The following MTO1 variants were observed in gnomAD, a reference collection of about 807,000 sequenced individuals.
MTO1 encodes the protein mitochondrial tRNA translation optimization 1.
Under a neutral mutation model 71.6 loss-of-function variants are expected in MTO1, and 46 were observed. That is an observed-to-expected ratio of 0.64 (90% CI 0.51 to 0.82). The LOEUF (loss-of-function observed/expected upper bound fraction) is 0.82, where lower values mean the gene tolerates loss of function less well. Among genes scored for constraint, MTO1 ranks in the 40% least tolerant of loss-of-function variants. The pLI is 0.00. For synonymous variants in MTO1, 297 were observed against 312.1 expected, an observed-to-expected ratio of 0.95 and a Z score of 0.51; for missense variants, 773 against 867.5, an observed-to-expected ratio of 0.89 and a Z score of 1.37.
Position 73,480,265 on chromosome 6 carries a change from T to TTTTG in MTO1, c.1129+159_1129+162dup, listed in dbSNP as rs747583462. The TTTTG allele has an allele frequency of 1.0e-4, 95 of 924,478 alleles. No individual in the cohort carries two copies. Among genetic ancestry groups the TTTTG allele is most frequent in the South Asian group, 3.5e-4 (25 of 71,328 alleles). 57.3% of individuals were successfully genotyped at this position (924,478 alleles called of 1,614,324 possible). On this transcript the variant is annotated intron_variant, in intron 6 of 11. Transcript: ENST00000498286. ...ACCTATACATTTTAAATAGTCTGTT[T>TTTTG]TTTGTTTGTTTGTTTGTTTGTTTTG...
At chr6:73,477,518 T>G (rs995525988) in intron 4 of MTO1, among the ~76,000 whole-genome samples, 6 of 151,476 alleles carry the variant, frequency 4.0e-5, no homozygotes, top group African/African-American at 7.3e-5. Flanking sequence ...GCTTTTTTTT[T>G]TTTTTTGAGA....
chr6:73,486,665 G>A (rs1408857756), intron 9 of MTO1: 3 of 406,690 alleles, frequency 7.4e-6, no homozygotes, highest in Admixed American at 2.7e-5. Flanking sequence ...TTGAACCTGG[G>A]AAGCGGAGGT....
rs756322189 is a variant in MTO1 at position 73,482,232 on chromosome 6, C to T, written c.1453C>T (p.Leu485Phe). 1 of 1,614,098 alleles carries T rather than the reference C, an allele frequency of 6.2e-7. No individual in the cohort carries two copies. Among genetic ancestry groups the T allele is most frequent in the South Asian group, 1.1e-5 (1 of 91,086 alleles). ...GCGCCCTGATAATGCTGACAGCCGGCTCACACTGCGAGGTAACTCTTTCCT... is the reference window on the plus strand; with the variant it reads ...GCGCCCTGATAATGCTGACAGCCGGTTCACACTGCGAGGTAACTCTTTCCT... Reference protein sequence around the residue: ...SLRPDNADSRLTLRGYKDAGC... With the variant: ...SLRPDNADSRFTLRGYKDAGC... Residue 485 changes from leucine to phenylalanine, a missense_variant, in exon 8 of 12, where the codon CTC (leucine) becomes TTC (phenylalanine). By Grantham distance (22) the Leu-to-Phe change is conservative. Coordinates refer to ENST00000498286, the MANE Select transcript of MTO1 (RefSeq NM_012123.4).
chr6:73,478,073 A>G (rs1379334666), intron 4 of MTO1, among the ~76,000 whole-genome samples: 1 of 151,154 alleles, frequency 6.6e-6, no homozygotes, highest in Non-Finnish European at 1.5e-5. Flanking sequence ...ACATGGTGAA[A>G]CCCCGTCTCT....
At chr6:73,494,127 C>T (rs1198585650) in intron 10 of MTO1, among the ~76,000 whole-genome samples, 9 of 151,666 alleles carry the variant, frequency 5.9e-5, no homozygotes, top group African/African-American at 1.9e-4. Context: ...CCCAGCTACT[C>T]GGGAGGCTGA....
intron 3 of MTO1, among the ~76,000 whole-genome samples, chr6:73,467,960 A>G (rs999610504): frequency 6.6e-6 from 1 of 151,950 alleles, no homozygotes; most frequent in African/African-American, 2.4e-5. Context: ...AGCTGGGACT[A>G]CAGGCACGTA....
rs572574857 is a variant in MTO1, at chr6:73,501,594, A to G, written c.*859A>G. ...ACCCCTCTTCCTCTCCAGTACTTCA[A>G]TGGTATGTCTTCACAGGGGTTAGAG... On this transcript the variant is annotated 3_prime_UTR_variant, in exon 12 of 12. Coordinates refer to ENST00000498286, the MANE Select transcript of MTO1 (RefSeq NM_012123.4). The G allele has an allele frequency of 1.8e-4, 27 of 152,310 alleles. No individual in the cohort carries two copies. Among genetic ancestry groups the G allele is most frequent in the African/African-American group, 5.8e-4 (24 of 41,572 alleles). The allele number at this position is 152,310 out of a possible 1,614,324, so 9.4% of individuals were successfully genotyped here.
At chr6:73,497,640 A>C in intron 10 of MTO1, 96 bp from the exon 11 acceptor site, 1 of 1,303,146 alleles carries the variant, frequency 7.7e-7, no homozygotes, top group Non-Finnish European at 1.1e-6. Context: ...TGATGTACAC[A>C]AAAGCTTTTT....
rs533086338 is a variant in MTO1 at position 73,496,826 on chromosome 6, G to A, written c.1757-910G>A. On this transcript the variant is annotated intron_variant, in intron 10 of 11. Transcript: ENST00000498286. Reference sequence around the variant, plus strand: ...TCCCAGCACTTTGGGAGGCCAAGGTGGGCAGATCATGAGGTCAGGAGTTCG... The same window carrying A: ...TCCCAGCACTTTGGGAGGCCAAGGTAGGCAGATCATGAGGTCAGGAGTTCG... Among the ~76,000 whole-genome samples the A allele has an allele frequency of 7.9e-5, 12 of 151,988 alleles. No individual in the cohort carries two copies. In the East Asian group the frequency reaches 2.3e-3, roughly 29 times the overall value.
rs1306856328 is a variant in MTO1 at position 73,506,424 on chromosome 6, A to C, written c.*5689A>C. 6.6e-6 allele frequency: 1 copy of C among 152,362 alleles called. No homozygotes were observed. Among genetic ancestry groups the C allele is most frequent in the Non-Finnish European group, 1.5e-5 (1 of 68,182 alleles). The allele number at this position is 152,362 out of a possible 1,614,324, so 9.4% of individuals were successfully genotyped here. The stretch of plus-strand genomic sequence containing the variant: ...TGAATCACAAGGGCCGGTTTTTACC[A>C]TGCTTTCTTGTGATAGTGAATAAGT... On this transcript the variant is annotated 3_prime_UTR_variant, in exon 12 of 12. Transcript: ENST00000498286.
Position 73,500,680 on chromosome 6 carries a change from C to T in MTO1, c.2024C>T (p.Ser675Phe). 2.5e-6 allele frequency: 4 copies of T among 1,612,760 alleles called. No individual in the cohort carries two copies. Among genetic ancestry groups the T allele is most frequent in the Non-Finnish European group, 2.5e-6 (3 of 1,179,398 alleles). Residue 675 changes from serine (S) to phenylalanine (F), a missense_variant, in exon 12 of 12, where the codon TCC becomes TTC. Ser to Phe is a radical substitution (Grantham distance 155). Transcript: ENST00000498286. ...QRRQSAMNES[S>F]KTDQYLCDAD... The stretch of plus-strand genomic sequence containing the variant: ...AGACAGTCGGCTATGAATGAATCAT[C>T]CAAGACTGATCAATACTTATGTGAT...
chr6:73,466,491 A>G lies in MTO1; in HGVS notation c.420A>G (p.Lys140=), dbSNP rs750249881. Residue 140 remains lysine (K), a splice_region_variant and synonymous_variant, in exon 3 of 12, where the codon AAA becomes AAG. Transcript: ENST00000498286. ...DRKLYKQNMQ[K]EILNTPLLTV... ...CAACTGGCATTTTCTTTTGACAGAA[A>G]GAAATCTTGAATACACCACTGCTTA... The G allele has an allele frequency of 1.7e-5, 27 of 1,614,118 alleles. No homozygotes were observed. The highest frequency in any genetic ancestry group is 2.2e-5 in the Non-Finnish European group (26 of 1,179,958).
In MTO1 at chr6:73,508,246, A is replaced by G. The variant is rs1334397652; in HGVS notation, c.*7511A>G. 6.6e-6 allele frequency: 1 copy of G among 152,198 alleles called. No homozygotes were observed. The highest frequency in any genetic ancestry group is 1.5e-5 in the Non-Finnish European group (1 of 68,036). 9.4% of individuals were successfully genotyped at this position (152,198 alleles called of 1,614,324 possible). A position where few individuals can be genotyped will look rare whatever the true frequency, so the allele number is the denominator to read the frequency against. Reference sequence around the variant, plus strand: ...AATATTCCTCCTATATCTGAAGACAATAATAATTTCTTAGAATTTGCTAGG... The same window carrying G: ...AATATTCCTCCTATATCTGAAGACAGTAATAATTTCTTAGAATTTGCTAGG... On this transcript the variant is annotated 3_prime_UTR_variant, in exon 12 of 12. Transcript: ENST00000498286.
rs777015080 is a variant in MTO1, at chr6:73,494,813, CCT to C, written c.1756+2462_1756+2463del. Among the ~76,000 whole-genome samples the C allele has an allele frequency of 2.8e-4, 38 of 137,764 alleles. 1 individual carries two copies. The East Asian group carries it at 6.5e-3, about 24-fold the overall frequency. 90.4% of individuals were successfully genotyped at this position (137,764 alleles called of 152,430 possible). On this transcript the variant is annotated intron_variant, in intron 10 of 11. Coordinates refer to ENST00000498286, the MANE Select transcript of MTO1 (RefSeq NM_012123.4). Reference sequence around the variant, plus strand: ...TTGAGACAGAGTCTTACTCTGTCACCCTGTCGCCCAGGCTGGAGTGCAGTGAT... The same window carrying C: ...TTGAGACAGAGTCTTACTCTGTCACCGTCGCCCAGGCTGGAGTGCAGTGAT...
chr6:73,480,947 G>T, intron 7 of MTO1, 142 bp downstream of exon 7: 13 of 634,750 alleles, frequency 2.0e-5, no homozygotes, highest in Middle Eastern at 3.9e-4. Flanking sequence ...GGTGTTTGGA[G>T]ATGGCTTTTG....
At chr6:73,488,758 A>G (rs1444994089) in intron 9 of MTO1, among the ~76,000 whole-genome samples, 2 of 152,018 alleles carry the variant, frequency 1.3e-5, no homozygotes, top group Non-Finnish European at 2.9e-5. Flanking sequence ...AAAATACAAA[A>G]AAAAAAAAAA....
intron 3 of MTO1, among the ~76,000 whole-genome samples, chr6:73,470,116 C>T (rs979776737): frequency 6.6e-6 from 1 of 152,198 alleles, no homozygotes; most frequent in African/African-American, 2.4e-5. Context: ...TATGGCTACC[C>T]ACTAGCGTTC....
chr6:73,492,605 T>C (rs1039239518), intron 10 of MTO1: 2 of 334,298 alleles, frequency 6.0e-6, no homozygotes, highest in East Asian at 1.2e-4. Context: ...AGCCTGGGCA[T>C]TCCGGACCAG....
intron 11 of MTO1, among the ~76,000 whole-genome samples, chr6:73,498,973 C>T (rs866755361): frequency 6.6e-6 from 1 of 152,072 alleles, no homozygotes. Context: ...ATGATCTGCC[C>T]GCCTTGGCCT....
Sources: gnomAD v4.1 joint callset for allele counts (sites outside exome capture counted in the v4.1 genomes callset) on GRCh38, gnomAD v4.1.1 for gene constraint, MANE v1.5 for transcripts, NCBI Gene and HGNC (gene_info 2026-07-23, HGNC 2026-07-21) for gene names.